Variants in TMEM117 observed in about 807,000 individuals in gnomAD.
The protein encoded by TMEM117 is transmembrane protein 117.
In TMEM117, 27 loss-of-function variants were observed where a neutral mutation model predicts 52.4. The ratio of observed to expected loss-of-function variants is 0.51; its 90% CI spans 0.38 to 0.71. The LOEUF (loss-of-function observed/expected upper bound fraction) is 0.71. TMEM117 is among the 30% of genes least tolerant of loss of function. The pLI is 0.00. For synonymous variants in TMEM117, 215 were observed against 206.3 expected (o/e 1.04, Z -0.36); for missense variants, 556 against 630.5 (o/e 0.88, Z 1.26).
intron 4 of TMEM117, among the ~76,000 whole-genome samples, chr12:44,194,496 A>C (rs1419751233): frequency 6.6e-6 from 1 of 152,190 alleles, no homozygotes; most frequent in Admixed American, 6.5e-5. Flanking sequence ...GAAAGGAAGA[A>C]ATGAAATGAA....
chr12:44,216,867 A>G (rs1949725194), intron 5 of TMEM117, among the ~76,000 whole-genome samples: 2 of 152,192 alleles, frequency 1.3e-5, no homozygotes, highest in Non-Finnish European at 1.5e-5. Context: ...TGGATGTGCA[A>G]TGTTGTATAT....
intron 2 of TMEM117, among the ~76,000 whole-genome samples, chr12:43,886,970 C>G (rs946324075): frequency 6.6e-6 from 1 of 152,148 alleles, no homozygotes; most frequent in Non-Finnish European, 1.5e-5. Context: ...GCCTCAGCCT[C>G]TGGAGTAGCT....
intron 2 of TMEM117, among the ~76,000 whole-genome samples, chr12:43,919,257 G>C (rs1277666466): frequency 6.6e-6 from 1 of 152,198 alleles, no homozygotes; most frequent in Non-Finnish European, 1.5e-5. Context: ...ATTCATAGTT[G>C]TTTAACTGGA....
chr12:43,984,629 C>T (rs780919370), intron 3 of TMEM117, among the ~76,000 whole-genome samples: 1 of 152,132 alleles, frequency 6.6e-6, no homozygotes, highest in Non-Finnish European at 1.5e-5. Context: ...TCAATTTCCC[C>T]TATTGATAGA....
intron 3 of TMEM117, among the ~76,000 whole-genome samples, chr12:44,045,931 T>A (rs1480569915): frequency 6.6e-6 from 1 of 152,220 alleles, no homozygotes; most frequent in Non-Finnish European, 1.5e-5. Context: ...AACAGTGGAA[T>A]GGCTTTTGAT....
chr12:44,223,526 C>T (rs1048054342), intron 5 of TMEM117, among the ~76,000 whole-genome samples: 1 of 152,050 alleles, frequency 6.6e-6, no homozygotes, highest in African/African-American at 2.4e-5. Flanking sequence ...GAGTCTCTTT[C>T]TTACCCCCAA....
At chr12:43,897,475 G>C (rs900987213) in intron 2 of TMEM117, among the ~76,000 whole-genome samples, 4 of 151,652 alleles carry the variant, frequency 2.6e-5, no homozygotes, top group Non-Finnish European at 5.9e-5. Flanking sequence ...CCATGGCCCA[G>C]CTAATTTTTG....
At chr12:44,364,588 C>G (rs1038195878) in intron 6 of TMEM117, among the ~76,000 whole-genome samples, 3 of 151,872 alleles carry the variant, frequency 2.0e-5, no homozygotes, top group African/African-American at 7.2e-5. Context: ...TATTTATAGG[C>G]AATGTGTCAT....
Position 44,299,566 on chromosome 12 carries a change from C to T in TMEM117, c.609-14C>T, listed in dbSNP as rs1950812381. ...ATGCCTTATGTTCTTTAATGAGTGT[C>T]TTGTTCCTTACAGGACAGTTCTTTT... On this transcript the variant is annotated splice_polypyrimidine_tract_variant and intron_variant, in intron 5 of 7. Transcript: ENST00000266534. 1 of 1,613,590 alleles carries T rather than the reference C, an allele frequency of 6.2e-7. No homozygotes were observed. The highest frequency in any genetic ancestry group is 1.1e-5 in the South Asian group (1 of 91,022).
At chr12:44,055,525 G>A (rs1198843370) in intron 3 of TMEM117, among the ~76,000 whole-genome samples, 1 of 152,158 alleles carries the variant, frequency 6.6e-6, no homozygotes, top group Admixed American at 6.5e-5. Flanking sequence ...TAAAAGCATG[G>A]ACTGTGGAGC....
intron 3 of TMEM117, among the ~76,000 whole-genome samples, chr12:43,997,751 C>T (rs1361934614): frequency 3.3e-5 from 5 of 152,152 alleles, no homozygotes; most frequent in Non-Finnish European, 7.4e-5. Flanking sequence ...CCTGTAGGCC[C>T]ACCTCCTCTT....
chr12:43,981,655 T>C (rs1945762572), intron 3 of TMEM117, among the ~76,000 whole-genome samples: 1 of 152,206 alleles, frequency 6.6e-6, no homozygotes, highest in Non-Finnish European at 1.5e-5. Context: ...TCCAAAATTC[T>C]TTAGTATTAC....
intron 5 of TMEM117, among the ~76,000 whole-genome samples, chr12:44,281,218 C>A (rs114777540): frequency 2.2e-3 from 330 of 152,152 alleles, no homozygotes; most frequent in Non-Finnish European, 4.0e-3. Flanking sequence ...TAAATATTTA[C>A]GTATAATTTC....
chr12:44,184,788 T>C (rs1025620387), intron 4 of TMEM117, among the ~76,000 whole-genome samples: 2 of 152,222 alleles, frequency 1.3e-5, no homozygotes, highest in Admixed American at 1.3e-4. Flanking sequence ...TTTACCTCAT[T>C]TTCTGACTAC....
chr12:43,858,531 A>G (rs1210799197), intron 2 of TMEM117, among the ~76,000 whole-genome samples: 1 of 152,224 alleles, frequency 6.6e-6, no homozygotes, highest in Non-Finnish European at 1.5e-5. Flanking sequence ...GAAACTCAGT[A>G]CAATGCTTCC....
intron 6 of TMEM117, among the ~76,000 whole-genome samples, chr12:44,343,571 A>C (rs962936608): frequency 2.0e-4 from 30 of 152,058 alleles, no homozygotes; most frequent in African/African-American, 7.0e-4. Flanking sequence ...GGGACAGGGG[A>C]CATGGGGACT....
chr12:44,349,250 T>C (rs1174935889), intron 6 of TMEM117, among the ~76,000 whole-genome samples: 1 of 152,022 alleles, frequency 6.6e-6, no homozygotes, highest in Non-Finnish European at 1.5e-5. Flanking sequence ...CTGTGAAAGG[T>C]AACAGCTAAT....
chr12:43,885,748 A>G (rs76035338), intron 2 of TMEM117, among the ~76,000 whole-genome samples: 2,087 of 152,306 alleles, frequency 0.014, 36 homozygotes, highest in African/African-American at 0.048. Flanking sequence ...AATATGGTAG[A>G]AGCAGTAATA....
At chr12:44,364,820 A>C (rs1327900720) in intron 6 of TMEM117, among the ~76,000 whole-genome samples, 1 of 152,112 alleles carries the variant, frequency 6.6e-6, no homozygotes, top group African/African-American at 2.4e-5. Flanking sequence ...TTTACCATTT[A>C]ATGATATGCA....
Sources: allele counts gnomAD v4.1 joint callset (sites outside exome capture counted in the v4.1 genomes callset), GRCh38; gene constraint gnomAD v4.1.1; transcripts MANE v1.5; gene names NCBI Gene and HGNC (gene_info 2026-07-23, HGNC 2026-07-21).